ANKH: variants seen among roughly 807,000 people sequenced by gnomAD.
The protein encoded by ANKH is mineralization regulator ANKH.
A neutral mutation model predicts 49.0 loss-of-function variants in ANKH; 15 were observed. The observed-to-expected ratio is 0.31, with a 90% CI of 0.20 to 0.47. ANKH has a LOEUF of 0.47. ANKH is among the 20% of genes least tolerant of loss of function. The probability of loss-of-function intolerance (pLI) is 1.00; values close to 1 mark genes in which losing one functional copy is unlikely to be tolerated. For missense variants in ANKH, 429 were observed against 652.0 expected (o/e 0.66, Z 3.72); for synonymous variants, 273 against 260.0 (o/e 1.05, Z -0.48).
At chr5:14,859,696 A>G (rs188771506) in intron 1 of ANKH, among the ~76,000 whole-genome samples, 1 of 152,350 alleles carries the variant, frequency 6.6e-6, no homozygotes, top group African/African-American at 2.4e-5. Flanking sequence ...CACTGTGGAT[A>G]TATCTGGGCT....
intron 1 of ANKH, among the ~76,000 whole-genome samples, chr5:14,841,657 AACCATCCAC>A (rs1175445883): frequency 6.6e-6 from 1 of 152,194 alleles, no homozygotes; most frequent in East Asian, 1.9e-4. Flanking sequence ...ATTGTTGGGC[AACCATCCAC>A]ACCATCCATC....
At chr5:14,763,517 A>T (rs1229781470) in intron 2 of ANKH, among the ~76,000 whole-genome samples, 2 of 152,224 alleles carry the variant, frequency 1.3e-5, no homozygotes, top group African/African-American at 2.4e-5. Context: ...ACTAGGCAAC[A>T]CTTGTCCAAT....
chr5:14,871,172 T>G, intron 1 of ANKH, 180 bp downstream of exon 1: 2 of 682,148 alleles, frequency 2.9e-6, no homozygotes. Flanking sequence ...TGCTGAATAA[T>G]TGAGGGGAGG....
chr5:14,853,119 C>A lies in ANKH; in HGVS notation c.96+18233G>T, dbSNP rs142326460. The stretch of plus-strand genomic sequence containing the variant: ...CACCAACCTCCCCCCAAACTACCAC[C>A]ACATGCCTTACAATGCAATTAAACC... On this transcript the variant is annotated intron_variant, in intron 1 of 11. Coordinates refer to ENST00000284268, the MANE Select transcript of ANKH (RefSeq NM_054027.6). Among the ~76,000 whole-genome samples the A allele has an allele frequency of 1.3e-4, 20 of 152,262 alleles. 1 individual carries two copies. In the East Asian group the frequency reaches 3.9e-3, roughly 29 times the overall value.
intron 2 of ANKH, among the ~76,000 whole-genome samples, chr5:14,767,609 C>G (rs1739297881): frequency 6.6e-6 from 1 of 152,168 alleles, no homozygotes; most frequent in African/African-American, 2.4e-5. Context: ...TAGCTTTTCT[C>G]TTCCAGAATT....
chr5:14,717,840 A>G (rs1160776127), intron 8 of ANKH, among the ~76,000 whole-genome samples: 2 of 152,200 alleles, frequency 1.3e-5, no homozygotes, highest in Non-Finnish European at 2.9e-5. Context: ...AAAGTCCAGA[A>G]TGCTCTGATA....
chr5:14,795,386 G>T (rs1212938099), intron 1 of ANKH, among the ~76,000 whole-genome samples: 1 of 152,182 alleles, frequency 6.6e-6, no homozygotes, highest in Non-Finnish European at 1.5e-5. Context: ...GAACTAGAGA[G>T]ATCCCTACAA....
Position 14,745,952 on chromosome 5 carries a change from A to G in ANKH, c.833T>C (p.Ile278Thr). 1 of 1,614,144 alleles carries G rather than the reference A, an allele frequency of 6.2e-7. No individual in the cohort carries two copies. The highest frequency in any genetic ancestry group is 8.5e-7 in the Non-Finnish European group (1 of 1,179,996). ...GSSAATEAVA[I>T]LTATYPVGHM... ...ACCCACAGGGTATGTGGCTGTCAAA[A>G]TCGCCACTGCCTGCAACAGGAAGAG... Residue 278 changes from isoleucine to threonine, a missense_variant, in exon 7 of 12, where the codon ATT (isoleucine) becomes ACT (threonine). Transcript: ENST00000284268. This position sits in a 1 kb window ranked among gnomAD's most constrained non-coding sequence, Gnocchi z 4.7.
intron 8 of ANKH, among the ~76,000 whole-genome samples, chr5:14,732,264 C>CT (rs1738028378): frequency 6.6e-6 from 1 of 152,066 alleles, no homozygotes. Flanking sequence ...CCATCTGTGC[C>CT]TGGGACTGGG....
At chr5:14,759,280 AAC>A in intron 2 of ANKH, among the ~76,000 whole-genome samples, 1 of 152,330 alleles carries the variant, frequency 6.6e-6, no homozygotes, top group East Asian at 1.9e-4. Flanking sequence ...CAGTGACTGG[AAC>A]ATAGGCACTC....
chr5:14,780,141 C>CT (rs1428955355), intron 1 of ANKH, among the ~76,000 whole-genome samples: 2 of 151,522 alleles, frequency 1.3e-5, no homozygotes, highest in Non-Finnish European at 1.5e-5. Context: ...TGAACGGTGC[C>CT]TGGATGGGCG....
At position 14,737,943 on chromosome 5, in the gene ANKH, G is replaced by A. The variant is rs954486048; in HGVS notation, c.1011+3884C>T. ...GGTTTAGAGAGATCAATCAACCTCC[G>A]GCTAAGCATGCCTAACCGCAGCTCT... is the stretch of plus-strand genomic sequence containing the variant. On this transcript the variant is annotated intron_variant, in intron 8 of 11. Coordinates refer to ENST00000284268, the MANE Select transcript of ANKH (RefSeq NM_054027.6). The surrounding 1 kb of genome is among the most constrained non-coding windows in gnomAD (Gnocchi z 5.0). Among the ~76,000 whole-genome samples, 2 of 152,088 alleles carry A rather than the reference G, an allele frequency of 1.3e-5. No individual in the cohort carries two copies. The highest frequency in any genetic ancestry group is 3.2e-3 in the Middle Eastern group (1 of 316).
At chr5:14,810,779 T>C (rs951873827) in intron 1 of ANKH, among the ~76,000 whole-genome samples, 2 of 152,142 alleles carry the variant, frequency 1.3e-5, no homozygotes, top group Non-Finnish European at 2.9e-5. Flanking sequence ...TGTTTAAAAG[T>C]CTGCAAAATA....
chr5:14,835,523 G>C (rs952057914), intron 1 of ANKH, among the ~76,000 whole-genome samples: 8 of 152,184 alleles, frequency 5.3e-5, no homozygotes, highest in Non-Finnish European at 7.3e-5. Flanking sequence ...AAGAGACTGA[G>C]GGTCCTGTTT....
At chr5:14,727,036 C>T (rs1022691055) in intron 8 of ANKH, among the ~76,000 whole-genome samples, 1 of 152,140 alleles carries the variant, frequency 6.6e-6, no homozygotes, top group Non-Finnish European at 1.5e-5. Flanking sequence ...TGATGACCAT[C>T]ACAGGCAGTG....
intron 1 of ANKH, among the ~76,000 whole-genome samples, chr5:14,773,522 A>G (rs1739517010): frequency 6.6e-6 from 1 of 152,244 alleles, no homozygotes; most frequent in East Asian, 1.9e-4. Context: ...TGTCAGTGAG[A>G]CAAAGTGAGA....
chr5:14,802,945 G>C (rs1299395853), intron 1 of ANKH, among the ~76,000 whole-genome samples: 1 of 152,160 alleles, frequency 6.6e-6, no homozygotes, highest in Non-Finnish European at 1.5e-5. Context: ...CTTCAAGCAG[G>C]GATGTTAAAT....
chr5:14,761,324 G>C (rs1180231566), intron 2 of ANKH, among the ~76,000 whole-genome samples: 1 of 152,200 alleles, frequency 6.6e-6, no homozygotes, highest in Non-Finnish European at 1.5e-5. Context: ...ACAGGTACAA[G>C]TGGCTTCTGA....
Position 14,706,686 on chromosome 5 carries a change from T to C in ANKH, c.*4511A>G, listed in dbSNP as rs543399229. 1.7e-4 allele frequency: 26 copies of C among 152,350 alleles called. No homozygotes were observed. The highest frequency in any genetic ancestry group is 6.0e-4 in the African/African-American group (25 of 41,584). The allele number at this position is 152,350 out of a possible 1,614,324, so 9.4% of individuals were successfully genotyped here. On this transcript the variant is annotated 3_prime_UTR_variant, in exon 12 of 12. Transcript: ENST00000284268. ...AGGGCAGGCAACAGGCCCTTTTACG[T>C]TTCTCATCAGATTTTTCTCTACATC...
Sources: gnomAD v4.1 joint callset for allele counts (sites outside exome capture counted in the v4.1 genomes callset) on GRCh38, gnomAD v4.1.1 for gene constraint, Gnocchi (gnomAD v3.1) non-coding constraint, MANE v1.5 for transcripts, NCBI Gene and HGNC (gene_info 2026-07-23, HGNC 2026-07-21) for gene names.